SPMIP2: variants seen among roughly 807,000 people sequenced by gnomAD.
The protein encoded by SPMIP2 is protein SPMIP2.
chr4:159,069,872 C>A, the SPMIP2 span, among the ~76,000 whole-genome samples: 1 of 151,972 alleles, frequency 6.6e-6, no homozygotes, highest in African/African-American at 2.4e-5. Context: ...CTGACATTAA[C>A]AAGAATGGCT....
the SPMIP2 span, among the ~76,000 whole-genome samples, chr4:159,074,881 TATTTA>T: frequency 9.2e-5 from 14 of 152,246 alleles, no homozygotes; most frequent in South Asian, 2.9e-3. Context: ...ATAAAGAGAC[TATTTA>T]CAAGGATGCA....
At chr4:159,007,596 C>T in the SPMIP2 span, 1 of 1,107,194 alleles carries the variant, frequency 9.0e-7, no homozygotes, top group Admixed American at 1.8e-5. Context: ...GGAAGCTTTC[C>T]AGACAACCAT....
At chr4:159,022,754 G>A in the SPMIP2 span, among the ~76,000 whole-genome samples, 5 of 152,236 alleles carry the variant, frequency 3.3e-5, no homozygotes, top group South Asian at 4.1e-4. Context: ...TGTGTTGGCC[G>A]GGCGCGGTGG....
At chr4:159,040,162 G>A in the SPMIP2 span, among the ~76,000 whole-genome samples, 51,538 of 151,582 alleles carry the variant, frequency 0.34, 9,235 homozygotes, top group East Asian at 0.64. Flanking sequence ...GTGTGTGTGT[G>A]TATATATGTA....
the SPMIP2 span, among the ~76,000 whole-genome samples, chr4:158,969,815 C>A: frequency 6.6e-6 from 1 of 152,080 alleles, no homozygotes. Context: ...TATAAAAATC[C>A]AGGAGATGAA....
chr4:159,037,785 TACACACACACACACACACACAC>T, the SPMIP2 span, among the ~76,000 whole-genome samples: 2 of 118,922 alleles, frequency 1.7e-5, no homozygotes, highest in Admixed American at 8.5e-5. Context: ...AAACAATATA[TACACACACACACACACACACAC>T]ACACACACAC....
At chr4:159,026,508 C>A in the SPMIP2 span, 1 of 635,900 alleles carries the variant, frequency 1.6e-6, no homozygotes, top group Non-Finnish European at 2.9e-6. Flanking sequence ...GTTCTCAGAT[C>A]TATAAAAAAG....
At chr4:159,045,530 G>A in the SPMIP2 span, among the ~76,000 whole-genome samples, 1 of 152,152 alleles carries the variant, frequency 6.6e-6, no homozygotes, top group South Asian at 2.1e-4. Flanking sequence ...CCAGCCTAAA[G>A]GAGACAGTTT....
chr4:158,995,835 AAC>A, the SPMIP2 span, among the ~76,000 whole-genome samples: 1 of 143,058 alleles, frequency 7.0e-6, no homozygotes, highest in African/African-American at 2.6e-5. Flanking sequence ...CCAGCCTGGC[AAC>A]AGAGTGAGAC....
At chr4:159,066,955 G>A in the SPMIP2 span, among the ~76,000 whole-genome samples, 1 of 152,254 alleles carries the variant, frequency 6.6e-6, no homozygotes, top group East Asian at 1.9e-4. Flanking sequence ...ATAAAAGCAG[G>A]TGGTGGTTTG....
the SPMIP2 span, among the ~76,000 whole-genome samples, chr4:159,060,323 G>A: frequency 6.6e-6 from 1 of 152,202 alleles, no homozygotes; most frequent in African/African-American, 2.4e-5. Context: ...ATAATACTAA[G>A]TTCCAAATGA....
chr4:158,901,497 T>C, the SPMIP2 span, among the ~76,000 whole-genome samples: 2 of 152,106 alleles, frequency 1.3e-5, no homozygotes, highest in Non-Finnish European at 2.9e-5. Context: ...AGTATCTTTG[T>C]GGTGTTCTCT....
At chr4:158,939,704 G>A in the SPMIP2 span, among the ~76,000 whole-genome samples, 1 of 152,146 alleles carries the variant, frequency 6.6e-6, no homozygotes, top group Admixed American at 6.5e-5. Flanking sequence ...GGGGCCGGGT[G>A]TGGTGGCTCA....
chr4:159,011,308 AG>A, the SPMIP2 span, among the ~76,000 whole-genome samples: 1 of 152,208 alleles, frequency 6.6e-6, no homozygotes, highest in Non-Finnish European at 1.5e-5. Context: ...GTGCAAAAGG[AG>A]GTAGTTAAAG....
chr4:158,969,460 C>T, the SPMIP2 span, among the ~76,000 whole-genome samples: 1 of 152,076 alleles, frequency 6.6e-6, no homozygotes, highest in African/African-American at 2.4e-5. Context: ...CTTGTTTATA[C>T]ATACATTTAT....
chr4:159,019,147 C>G, the SPMIP2 span, among the ~76,000 whole-genome samples: 2 of 152,186 alleles, frequency 1.3e-5, no homozygotes, highest in Non-Finnish European at 2.9e-5. Flanking sequence ...TCCTGGTTCC[C>G]CAGCTGGAGT....
chr4:159,051,535 G>C, the SPMIP2 span, among the ~76,000 whole-genome samples: 1 of 152,170 alleles, frequency 6.6e-6, no homozygotes, highest in Non-Finnish European at 1.5e-5. Flanking sequence ...GCAAAGCAGA[G>C]ACCATTTATA....
the SPMIP2 span, among the ~76,000 whole-genome samples, chr4:158,912,979 C>T: frequency 4.6e-5 from 7 of 152,280 alleles, no homozygotes; most frequent in African/African-American, 1.7e-4. Flanking sequence ...GGATTCCTGA[C>T]AAAAACACGT....
chr4:158,970,569 G>T, the SPMIP2 span, among the ~76,000 whole-genome samples: 806 of 151,772 alleles, frequency 5.3e-3, 4 homozygotes, highest in African/African-American at 0.018. Flanking sequence ...AAAAGATTTT[G>T]ATCTGCCTTA....
Sources: allele counts gnomAD v4.1 joint callset (sites outside exome capture counted in the v4.1 genomes callset), GRCh38; gene constraint gnomAD v4.1.1; transcripts MANE v1.5; gene names NCBI Gene and HGNC (gene_info 2026-07-23, HGNC 2026-07-21).